Variants in C8orf34 observed in about 807,000 individuals in gnomAD.
C8orf34 encodes chromosome 8 open reading frame 34.
Under a neutral mutation model 68.3 loss-of-function variants are expected in C8orf34, and 65 were observed. That is an observed-to-expected ratio of 0.95 (90% CI 0.78 to 1.17). The LOEUF is 1.17. Ranked by LOEUF, C8orf34 falls within the 50% of genes most tolerant of loss-of-function variation. The pLI is 0.00. For missense variants in C8orf34, 664 were observed against 655.4 expected, an observed-to-expected ratio of 1.01 and a Z score of -0.14; for synonymous variants, 244 against 241.2, an observed-to-expected ratio of 1.01 and a Z score of -0.11.
At chr8:68,709,307 G>T (rs1238779493) in intron 9 of C8orf34, among the ~76,000 whole-genome samples, 1 of 152,144 alleles carries the variant, frequency 6.6e-6, no homozygotes, top group Non-Finnish European at 1.5e-5. Flanking sequence ...CTTTAGGCCT[G>T]TTCTGTTTAA....
intron 1 of C8orf34, among the ~76,000 whole-genome samples, chr8:68,410,390 C>T (rs551782698): frequency 6.6e-6 from 1 of 152,094 alleles, no homozygotes; most frequent in Non-Finnish European, 1.5e-5. Flanking sequence ...AGTATTATAT[C>T]TATTTACAGA....
At chr8:68,460,774 A>G (rs1317484377) in intron 3 of C8orf34, among the ~76,000 whole-genome samples, 1 of 152,220 alleles carries the variant, frequency 6.6e-6, no homozygotes, top group Non-Finnish European at 1.5e-5. Flanking sequence ...AAGGACATCC[A>G]CACCAAAAAC....
intron 6 of C8orf34, among the ~76,000 whole-genome samples, chr8:68,523,620 C>T (rs1416683481): frequency 6.6e-6 from 1 of 152,150 alleles, no homozygotes; most frequent in Admixed American, 6.5e-5. Flanking sequence ...AGAATACATG[C>T]ATATCTGAAT....
chr8:68,667,800 G>A (rs1055511877), intron 8 of C8orf34, among the ~76,000 whole-genome samples: 5 of 152,112 alleles, frequency 3.3e-5, no homozygotes, highest in Non-Finnish European at 7.4e-5. Context: ...TTAAGCGAGT[G>A]ACTAAAAATA....
At chr8:68,331,824 T>G in intron 1 of C8orf34, among the ~76,000 whole-genome samples, 1 of 100,974 alleles carries the variant, frequency 9.9e-6, no homozygotes, top group African/African-American at 4.0e-5. Context: ...ATGAGGGCGG[T>G]AATAGAACCC....
chr8:68,745,690 C>T (rs1855046161), intron 10 of C8orf34, among the ~76,000 whole-genome samples: 1 of 152,024 alleles, frequency 6.6e-6, no homozygotes, highest in South Asian at 2.1e-4. Flanking sequence ...GCTAACTATC[C>T]TAAATATATA....
intron 5 of C8orf34, among the ~76,000 whole-genome samples, chr8:68,505,082 A>C (rs1315876723): frequency 6.6e-6 from 1 of 151,814 alleles, no homozygotes; most frequent in Non-Finnish European, 1.5e-5. Flanking sequence ...CCCAAAGTGC[A>C]TGGTGAGCCA....
intron 7 of C8orf34, among the ~76,000 whole-genome samples, chr8:68,620,752 G>A (rs1162649653): frequency 6.7e-6 from 1 of 150,010 alleles, no homozygotes; most frequent in Non-Finnish European, 1.5e-5. Context: ...ACTGTAGATG[G>A]CAGATATAAG....
At chr8:68,769,271 A>AT (rs1462006283) in intron 10 of C8orf34, among the ~76,000 whole-genome samples, 3 of 151,532 alleles carry the variant, frequency 2.0e-5, no homozygotes, top group Admixed American at 2.0e-4. Context: ...CTTTCCTAAG[A>AT]TTTTTTCTAA....
chr8:68,502,871 T>C (rs1813840385), intron 5 of C8orf34, among the ~76,000 whole-genome samples: 1 of 152,178 alleles, frequency 6.6e-6, no homozygotes, highest in African/African-American at 2.4e-5. Flanking sequence ...CTCTCTCAAG[T>C]AGTATTGGCA....
chr8:68,623,273 C>A (rs2130647868), intron 7 of C8orf34, among the ~76,000 whole-genome samples: 1 of 152,284 alleles, frequency 6.6e-6, no homozygotes, highest in East Asian at 1.9e-4. Context: ...GTATATAGTA[C>A]CTGCCTGTAA....
chr8:68,512,616 A>C (rs1217337465), intron 5 of C8orf34, among the ~76,000 whole-genome samples: 1 of 152,178 alleles, frequency 6.6e-6, no homozygotes, highest in Non-Finnish European at 1.5e-5. Context: ...TTATAACTAA[A>C]TATAACATAT....
chr8:68,684,026 T>G (rs1454701098), intron 8 of C8orf34, among the ~76,000 whole-genome samples: 1 of 152,228 alleles, frequency 6.6e-6, no homozygotes, highest in East Asian at 1.9e-4. Context: ...GTAAGCATTA[T>G]GTGTAACATC....
intron 7 of C8orf34, among the ~76,000 whole-genome samples, chr8:68,630,049 A>G (rs1207920010): frequency 6.6e-6 from 1 of 152,130 alleles, no homozygotes; most frequent in Non-Finnish European, 1.5e-5. Context: ...TTTAAGGAAT[A>G]TTTATTTAGT....
intron 2 of C8orf34, among the ~76,000 whole-genome samples, chr8:68,443,461 C>G (rs189320009): frequency 1.2e-3 from 183 of 152,190 alleles, no homozygotes; most frequent in Non-Finnish European, 3.1e-4. Flanking sequence ...GTGGCATGAT[C>G]TCGGCTCACT....
chr8:68,570,723 G>C lies in C8orf34; in HGVS notation c.1105+37574G>C, dbSNP rs151254298. Among the ~76,000 whole-genome samples, 624 of 152,262 alleles carry C rather than the reference G, an allele frequency of 4.1e-3. 6 individuals are homozygous for C. The highest frequency in any genetic ancestry group is 0.014 in the African/African-American group (596 of 41,556). On this transcript the variant is annotated intron_variant, in intron 7 of 13. Coordinates refer to ENST00000518698, the MANE Select transcript of C8orf34 (RefSeq NM_052958.4). ...CCAGCAGCACAGCCATCATCTGGGA[G>C]CTTGCAAGCAATGTGGAATCTCAGT... is the stretch of plus-strand genomic sequence containing the variant.
At chr8:68,610,866 T>TTTG (rs1563560432) in intron 7 of C8orf34, among the ~76,000 whole-genome samples, 2 of 127,476 alleles carry the variant, frequency 1.6e-5, no homozygotes, top group East Asian at 2.0e-4. Flanking sequence ...CTTTGGTTTT[T>TTTG]TTTTTTTTTT....
chr8:68,540,799 G>T lies in C8orf34; in HGVS notation c.1105+7650G>T, dbSNP rs563216481. Among the ~76,000 whole-genome samples the T allele has an allele frequency of 9.9e-4, 150 of 152,070 alleles. 2 individuals are homozygous for T. The highest frequency in any genetic ancestry group is 3.5e-3 in the African/African-American group (147 of 41,490). Reference sequence around the variant, plus strand: ...GGAGGTTGCAGTGAGCCAAGATCACGCCACTGCACTCCAGCCTGGGCGACA... The same window carrying T: ...GGAGGTTGCAGTGAGCCAAGATCACTCCACTGCACTCCAGCCTGGGCGACA... On this transcript the variant is annotated intron_variant, in intron 7 of 13. Coordinates refer to ENST00000518698, the MANE Select transcript of C8orf34 (RefSeq NM_052958.4).
intron 4 of C8orf34, among the ~76,000 whole-genome samples, chr8:68,486,705 C>T (rs1244951978): frequency 1.3e-5 from 2 of 152,142 alleles, no homozygotes; most frequent in South Asian, 4.1e-4. Context: ...ATACCCGAGG[C>T]AGGCAGGGGA....
Sources: gnomAD v4.1 joint callset for allele counts (sites outside exome capture counted in the v4.1 genomes callset) on GRCh38, gnomAD v4.1.1 for gene constraint, MANE v1.5 for transcripts, NCBI Gene and HGNC (gene_info 2026-07-23, HGNC 2026-07-21) for gene names.